TENM3: variants seen among roughly 807,000 people sequenced by gnomAD.
The protein encoded by TENM3 is teneurin transmembrane protein 3.
A neutral mutation model predicts 255.1 loss-of-function variants in TENM3; 63 were observed. That is an observed-to-expected ratio of 0.25 (90% CI 0.20 to 0.30). The LOEUF (loss-of-function observed/expected upper bound fraction) is 0.30. Among genes scored for constraint, TENM3 ranks in the 10% least tolerant of loss-of-function variants. The pLI, the probability that TENM3 is intolerant of heterozygous loss-of-function variation, is 1.00. For missense variants in TENM3, 2,929 were observed against 3,461.1 expected (o/e 0.85, Z 3.86); for synonymous variants, 1,306 against 1,322.3 (o/e 0.99, Z 0.27).
chr4:181,688,364 T>C, the TENM3 span, among the ~76,000 whole-genome samples: 2 of 152,212 alleles, frequency 1.3e-5, no homozygotes. Context: ...AATTTGATTT[T>C]TTTATAGCAA....
At chr4:181,786,545 C>T in the TENM3 span, among the ~76,000 whole-genome samples, 1 of 151,936 alleles carries the variant, frequency 6.6e-6, no homozygotes, top group Non-Finnish European at 1.5e-5. Flanking sequence ...AGATGAAGTC[C>T]CCCAGGCAAT....
the TENM3 span, among the ~76,000 whole-genome samples, chr4:181,654,667 C>A: frequency 6.6e-6 from 1 of 150,916 alleles, no homozygotes; most frequent in Non-Finnish European, 1.5e-5. Flanking sequence ...GGCAGGAGAA[C>A]CACTTGAACC....
intron 1 of TENM3, among the ~76,000 whole-genome samples, chr4:182,305,249 T>G (rs569232103): frequency 6.6e-6 from 1 of 152,298 alleles, no homozygotes; most frequent in East Asian, 1.9e-4. Flanking sequence ...AACAGATTGT[T>G]AACAAATAAC....
At chr4:182,119,105 G>A in the TENM3 span, among the ~76,000 whole-genome samples, 2 of 152,134 alleles carry the variant, frequency 1.3e-5, no homozygotes, top group Non-Finnish European at 2.9e-5. Flanking sequence ...TCCCTTGGGT[G>A]GGAGAGAATG....
chr4:181,690,624 C>T, the TENM3 span, among the ~76,000 whole-genome samples: 1 of 150,666 alleles, frequency 6.6e-6, no homozygotes, highest in Non-Finnish European at 1.5e-5. Flanking sequence ...TCATTCAAAC[C>T]AGAGAGATTA....
At chr4:181,472,907 A>G in the TENM3 span, among the ~76,000 whole-genome samples, 6 of 152,204 alleles carry the variant, frequency 3.9e-5, no homozygotes, top group Non-Finnish European at 5.9e-5. Context: ...ACAAGAATAA[A>G]TGGAATTCAT....
At chr4:182,731,858 T>C (rs7657671) in intron 16 of TENM3, among the ~76,000 whole-genome samples, 2,264 of 151,646 alleles carry the variant, frequency 0.015, 67 homozygotes, top group African/African-American at 0.052. Flanking sequence ...CTCGGCTCAC[T>C]GCAAGCTCCA....
the TENM3 span, among the ~76,000 whole-genome samples, chr4:181,551,840 G>GTA: frequency 3.8e-3 from 4 of 1,042 alleles, no homozygotes; most frequent in East Asian, 0.056. Context: ...ATATGTATAT[G>GTA]TGTGTGTGTG....
intron 1 of TENM3, among the ~76,000 whole-genome samples, chr4:182,175,314 A>T (rs4998113): frequency 0.018 from 2,121 of 117,518 alleles, 47 homozygotes; most frequent in African/African-American, 0.052. Context: ...AAAAAAAAAA[A>T]ATATATATAT....
the TENM3 span, among the ~76,000 whole-genome samples, chr4:181,775,314 A>C: frequency 6.6e-6 from 1 of 152,004 alleles, no homozygotes; most frequent in Non-Finnish European, 1.5e-5. Flanking sequence ...TAATAGACAC[A>C]GTTGTTATTT....
chr4:182,592,420 G>A (rs115209868), intron 3 of TENM3, among the ~76,000 whole-genome samples: 1,768 of 152,316 alleles, frequency 0.012, 22 homozygotes, highest in Middle Eastern at 0.02. Flanking sequence ...TCTGGCCACT[G>A]TAGTTAAAAT....
the TENM3 span, among the ~76,000 whole-genome samples, chr4:182,135,348 G>T: frequency 1.3e-5 from 2 of 151,972 alleles, no homozygotes; most frequent in African/African-American, 4.8e-5. Context: ...TGGTGTTTCT[G>T]GTGTCATCTT....
the TENM3 span, among the ~76,000 whole-genome samples, chr4:181,818,070 G>A: frequency 6.6e-6 from 1 of 152,028 alleles, no homozygotes; most frequent in East Asian, 1.9e-4. Flanking sequence ...ACTTACTAGG[G>A]GACCCACATT....
the TENM3 span, among the ~76,000 whole-genome samples, chr4:181,758,764 G>A: frequency 1.2e-4 from 19 of 152,012 alleles, no homozygotes; most frequent in Non-Finnish European, 2.6e-4. Context: ...ACCTACATCG[G>A]GCCTCACAAA....
At chr4:182,432,865 T>TGTGTGTGTG (rs1554066043) in intron 3 of TENM3, among the ~76,000 whole-genome samples, 2 of 151,490 alleles carry the variant, frequency 1.3e-5, no homozygotes, top group Middle Eastern at 3.4e-3. Flanking sequence ...TGTGTGTGTG[T>TGTGTGTGTG]TTTAGTAGAG....
At chr4:182,110,065 G>A in the TENM3 span, among the ~76,000 whole-genome samples, 2 of 144,546 alleles carry the variant, frequency 1.4e-5, no homozygotes, top group Non-Finnish European at 3.0e-5. Context: ...AGTGAGCCGA[G>A]ATCATGCCAC....
the TENM3 span, among the ~76,000 whole-genome samples, chr4:181,675,078 C>G: frequency 6.6e-6 from 1 of 152,130 alleles, no homozygotes; most frequent in Non-Finnish European, 1.5e-5. Context: ...ACTAGCTAAA[C>G]AGCAAGTCTG....
chr4:181,703,542 T>G, the TENM3 span, among the ~76,000 whole-genome samples: 1 of 152,292 alleles, frequency 6.6e-6, no homozygotes, highest in East Asian at 1.9e-4. Context: ...CCCTCTTCCC[T>G]TTATGACTTT....
At chr4:182,732,540 A>T (rs1297637704) in intron 16 of TENM3, among the ~76,000 whole-genome samples, 1 of 152,166 alleles carries the variant, frequency 6.6e-6, no homozygotes, top group Non-Finnish European at 1.5e-5. Context: ...ATAATAATGG[A>T]TTTTGCCAGG....
Sources: gnomAD v4.1 joint callset for allele counts (sites outside exome capture counted in the v4.1 genomes callset) on GRCh38, gnomAD v4.1.1 for gene constraint, MANE v1.5 for transcripts, NCBI Gene and HGNC (gene_info 2026-07-23, HGNC 2026-07-21) for gene names.